The following CHN1 variants were observed in gnomAD, a reference collection of about 807,000 sequenced individuals.
CHN1 encodes the protein chimerin 1.
Under a neutral mutation model 59.5 loss-of-function variants are expected in CHN1, and 37 were observed. That is an observed-to-expected ratio of 0.62 (90% confidence interval 0.48 to 0.82). The LOEUF is 0.82. CHN1 is among the 40% of genes least tolerant of loss of function. The pLI is 0.00. For missense variants in CHN1, 469 were observed against 571.0 expected (o/e 0.82, Z 1.82); for synonymous variants, 206 against 200.4 (o/e 1.03, Z -0.24).
intron 5 of CHN1, among the ~76,000 whole-genome samples, chr2:174,882,734 G>T (rs933761675): frequency 6.6e-6 from 1 of 152,204 alleles, no homozygotes; most frequent in Middle Eastern, 3.4e-3. Context: ...TTTGTCTGTT[G>T]TTTACCAGAG....
intron 6 of CHN1, among the ~76,000 whole-genome samples, chr2:174,872,993 G>C (rs1687457915): frequency 6.6e-6 from 1 of 150,682 alleles, no homozygotes; most frequent in Non-Finnish European, 1.5e-5. Flanking sequence ...TTAAGGACTT[G>C]TTCAAGACCA....
chr2:174,950,095 C>T (rs1317154089), intron 2 of CHN1, among the ~76,000 whole-genome samples: 1 of 151,934 alleles, frequency 6.6e-6, no homozygotes, highest in East Asian at 1.9e-4. Flanking sequence ...ACCTCGTAGT[C>T]TACAAAATAA....
chr2:174,842,310 T>A (rs1383174954), intron 7 of CHN1, among the ~76,000 whole-genome samples: 1 of 152,198 alleles, frequency 6.6e-6, no homozygotes, highest in African/African-American at 2.4e-5. Context: ...GAATACGACA[T>A]TTCACTGCTG....
chr2:174,976,576 A>G (rs1331986946), intron 1 of CHN1, among the ~76,000 whole-genome samples: 1 of 152,144 alleles, frequency 6.6e-6, no homozygotes, highest in Admixed American at 6.5e-5. Flanking sequence ...TCAAAATGCA[A>G]TCAAGATTCC....
chr2:174,935,387 T>A (rs1485655355), intron 3 of CHN1, among the ~76,000 whole-genome samples: 1 of 152,202 alleles, frequency 6.6e-6, no homozygotes, highest in Non-Finnish European at 1.5e-5. Flanking sequence ...CCAGAGCATC[T>A]CTAACAGATA....
At chr2:174,919,426 T>C (rs1335387901) in intron 3 of CHN1, among the ~76,000 whole-genome samples, 1 of 105,332 alleles carries the variant, frequency 9.5e-6, no homozygotes, top group African/African-American at 4.1e-5. Context: ...CGACTGTTCA[T>C]AGGAACAGCA....
chr2:174,881,448 T>A (rs1173468349), intron 5 of CHN1, among the ~76,000 whole-genome samples: 1 of 152,180 alleles, frequency 6.6e-6, no homozygotes, highest in Admixed American at 6.5e-5. Flanking sequence ...ATTCGTCAGA[T>A]TCTGCATCTA....
intron 5 of CHN1, among the ~76,000 whole-genome samples, chr2:174,910,923 A>G (rs62184784): frequency 1.4e-5 from 2 of 146,090 alleles, no homozygotes. Flanking sequence ...AAAAAAAAAA[A>G]AGAGAAAGTA....
At chr2:174,930,937 T>C (rs1454812235) in intron 3 of CHN1, among the ~76,000 whole-genome samples, 5 of 152,022 alleles carry the variant, frequency 3.3e-5, no homozygotes, top group Non-Finnish European at 7.4e-5. Context: ...AGGCTAATTT[T>C]TTCTGTATTT....
At chr2:174,943,066 G>A (rs939930713) in intron 3 of CHN1, among the ~76,000 whole-genome samples, 3 of 151,652 alleles carry the variant, frequency 2.0e-5, no homozygotes, top group Middle Eastern at 6.3e-3. Flanking sequence ...AAAATAAAAA[G>A]TTAAGTAAAT....
At chr2:174,835,808 A>C (rs1192121798) in intron 7 of CHN1, among the ~76,000 whole-genome samples, 1 of 152,098 alleles carries the variant, frequency 6.6e-6, no homozygotes, top group African/African-American at 2.4e-5. Context: ...CACAGTACTA[A>C]GATGATACCC....
At chr2:174,974,361 AT>A (rs1207525311) in intron 1 of CHN1, among the ~76,000 whole-genome samples, 1 of 152,218 alleles carries the variant, frequency 6.6e-6, no homozygotes. Context: ...GCCCGCAAGG[AT>A]GCTGAATACT....
intron 5 of CHN1, among the ~76,000 whole-genome samples, chr2:174,882,947 T>C (rs1287051272): frequency 6.6e-6 from 1 of 152,192 alleles, no homozygotes; most frequent in Admixed American, 6.5e-5. Flanking sequence ...TGATATCCCA[T>C]CCAAAACTTT....
intron 6 of CHN1, among the ~76,000 whole-genome samples, chr2:174,869,212 T>A (rs992067032): frequency 2.0e-5 from 3 of 152,294 alleles, no homozygotes; most frequent in Admixed American, 6.5e-5. Context: ...AGGTGAAGAC[T>A]CCCTAATGAT....
intron 8 of CHN1, among the ~76,000 whole-genome samples, chr2:174,815,322 G>A (rs548820289): frequency 6.6e-6 from 1 of 152,108 alleles, no homozygotes; most frequent in East Asian, 1.9e-4. Context: ...AGGCTGCAGT[G>A]AGCTATGATC....
At chr2:174,951,647 T>G (rs1339554807) in intron 2 of CHN1, among the ~76,000 whole-genome samples, 1 of 152,200 alleles carries the variant, frequency 6.6e-6, no homozygotes, top group Non-Finnish European at 1.5e-5. Flanking sequence ...ACCCTAGATG[T>G]TTAAAAAGAA....
intron 8 of CHN1, among the ~76,000 whole-genome samples, chr2:174,814,869 A>C (rs920205346): frequency 1.3e-5 from 2 of 152,130 alleles, no homozygotes; most frequent in African/African-American, 4.8e-5. Flanking sequence ...CACTGTTCTT[A>C]ATGTATTTCA....
intron 3 of CHN1, among the ~76,000 whole-genome samples, chr2:174,938,997 A>G (rs777401174): frequency 6.6e-6 from 1 of 152,156 alleles, no homozygotes; most frequent in African/African-American, 2.4e-5. Context: ...TGATGAATAC[A>G]TTGCTCAATT....
At chr2:174,828,483 A>G (rs966570148) in intron 7 of CHN1, among the ~76,000 whole-genome samples, 10 of 152,210 alleles carry the variant, frequency 6.6e-5, no homozygotes, top group African/African-American at 2.2e-4. Flanking sequence ...TAAAAAATCA[A>G]TTGCACAAAT....
Sources: gnomAD v4.1 joint callset for allele counts (sites outside exome capture counted in the v4.1 genomes callset) on GRCh38, gnomAD v4.1.1 for gene constraint, MANE v1.5 for transcripts, NCBI Gene and HGNC (gene_info 2026-07-23, HGNC 2026-07-21) for gene names.